Variants in PPP2R1B observed in about 807,000 individuals in gnomAD.
The protein encoded by PPP2R1B is serine/threonine-protein phosphatase 2A 65 kDa regulatory subunit A beta isoform.
A neutral mutation model predicts 72.7 loss-of-function variants in PPP2R1B; 58 were observed. The observed-to-expected ratio is 0.80, with a 90% CI of 0.65 to 0.99. PPP2R1B has a LOEUF of 0.99. Among genes scored for constraint, PPP2R1B ranks in the 50% least tolerant of loss-of-function variants. The pLI is 0.00. For missense variants in PPP2R1B, 695 were observed against 733.6 expected (o/e 0.95, Z 0.61); for synonymous variants, 256 against 264.6 (o/e 0.97, Z 0.32).
chr11:111,740,722 G>A lies in PPP2R1B; in HGVS notation c.*874C>T. ...GCAGCAAGGACTAGGTGTCAATACT[G>A]CTGGAAGCAGAGCCAGGTAAAGAAC... On this transcript the variant is annotated 3_prime_UTR_variant, in exon 15 of 15. Transcript: ENST00000527614. 1.0e-6 allele frequency: 1 copy of A among 985,426 alleles called. No individual in the cohort carries two copies. The allele number at this position is 985,426 out of a possible 1,614,324, so 61.0% of individuals were successfully genotyped here. A position where few individuals can be genotyped will look rare whatever the true frequency, so the allele number is the denominator to read the frequency against.
At chr11:111,698,123 T>C in the PPP2R1B span, among the ~76,000 whole-genome samples, 1 of 152,196 alleles carries the variant, frequency 6.6e-6, no homozygotes, top group Non-Finnish European at 1.5e-5. Context: ...TCTTTTAATA[T>C]CCCTATAGAC....
chr11:111,742,671 A>C lies in PPP2R1B; in HGVS notation c.1555-6T>G. On this transcript the variant is annotated splice_region_variant and splice_polypyrimidine_tract_variant and intron_variant, in intron 12 of 14. Transcript: ENST00000527614. Reference sequence around the variant, plus strand: ...CCACAGGCCTCAGACAGTGCCTAGAAAAATAAGTAAGATGGCACATTTAAA... The same window carrying C: ...CCACAGGCCTCAGACAGTGCCTAGACAAATAAGTAAGATGGCACATTTAAA... 6.3e-7 allele frequency: 1 copy of C among 1,592,558 alleles called. No homozygotes were observed. Among genetic ancestry groups the C allele is most frequent in the Non-Finnish European group, 8.6e-7 (1 of 1,169,532 alleles).
At chr11:111,761,128 T>C (rs1431912886) in intron 3 of PPP2R1B, 77 bp from the exon 4 acceptor site, 3 of 1,230,124 alleles carry the variant, frequency 2.4e-6, no homozygotes, top group Non-Finnish European at 3.5e-6. Flanking sequence ...CCTTTTAAAG[T>C]GACTGAAGGG....
chr11:111,751,269 C>G lies in PPP2R1B; in HGVS notation c.1338+890G>C, dbSNP rs59815020. ...AAGTTTCCTTGAGCAAAAATCACAG[C>G]AGACTTACCCTAAAACCATAATCCC... is the stretch of plus-strand genomic sequence containing the variant. On this transcript the variant is annotated intron_variant, in intron 10 of 14. Transcript: ENST00000527614. 2.5e-3 allele frequency among the ~76,000 whole-genome samples: 380 copies of G among 152,276 alleles called. 1 individual carries two copies. Among genetic ancestry groups the G allele is most frequent in the African/African-American group, 8.8e-3 (366 of 41,548 alleles).
Position 111,764,817 on chromosome 11 carries a change from G to A in PPP2R1B, c.294C>T (p.Ala98=), listed in dbSNP as rs1442220879. 3.1e-6 allele frequency: 5 copies of A among 1,613,882 alleles called. No individual in the cohort carries two copies. Among genetic ancestry groups the A allele is most frequent in the African/African-American group, 2.7e-5 (2 of 74,912 alleles). The change falls in exon 3 of 15, where the codon GCC becomes GCT. Residue 98 remains alanine, a synonymous_variant. Transcript: ENST00000527614. ...FTGLVGGPDF[A]HCLLPPLENL... is the part of the protein sequence containing the mutation. ...TATAAATACTCACCAGCAGACAGTG[G>A]GCAAAGTCAGGACCTCCCACTAGGC...
chr11:111,737,346 C>A, downstream of PPP2R1B: 4 of 1,548,770 alleles, frequency 2.6e-6, no homozygotes, highest in Non-Finnish European at 2.6e-6. Flanking sequence ...GTGAGAGGTG[C>A]TGCTTCTCCG....
At chr11:111,746,520 T>C (rs1021269051) in intron 11 of PPP2R1B, among the ~76,000 whole-genome samples, 10 of 152,098 alleles carry the variant, frequency 6.6e-5, no homozygotes, top group Admixed American at 3.3e-4. Context: ...AAATACCTAA[T>C]GCATGTGGGG....
At chr11:111,700,798 A>G in the PPP2R1B span, 9 of 1,495,442 alleles carry the variant, frequency 6.0e-6, no homozygotes, top group Non-Finnish European at 8.2e-6. Context: ...TGATATTGTT[A>G]ATATAGCATA....
chr11:111,753,459 G>C lies in PPP2R1B; in HGVS notation c.1148C>G (p.Ala383Gly), dbSNP rs1555048583. 6.2e-7 allele frequency: 1 copy of C among 1,613,124 alleles called. No individual in the cohort carries two copies. Among genetic ancestry groups the C allele is most frequent in the Admixed American group, 1.7e-5 (1 of 59,796 alleles). The change falls in exon 9 of 15, where the codon GCT (alanine) becomes GGT (glycine). Residue 383 changes from alanine (A) to glycine (G), a missense_variant. Physicochemically the swap from Ala to Gly is moderately conservative, Grantham distance 60 (BLOSUM62 0). Transcript: ENST00000527614. Reference protein sequence around the residue: ...TIEHLLPLFLAQLKDECPDVR... With the variant: ...TIEHLLPLFLGQLKDECPDVR... ...AAGACCCACCTCATCCTTTAACTGA[G>C]CTAAGAAAAGAGGTAGAAGATGTTC...
chr11:111,761,867 T>A (rs951060639), intron 3 of PPP2R1B, among the ~76,000 whole-genome samples: 3 of 151,944 alleles, frequency 2.0e-5, no homozygotes, highest in African/African-American at 7.3e-5. Context: ...GGCTGAGGCA[T>A]GAGAATCACT....
At position 111,739,542 on chromosome 11, in the gene PPP2R1B, G is replaced by A. The variant is rs1944450678; in HGVS notation, c.*2054C>T. 2.0e-6 allele frequency: 2 copies of A among 985,234 alleles called. No individual in the cohort carries two copies. The highest frequency in any genetic ancestry group is 9.4e-5 in the South Asian group (2 of 21,284). The allele number at this position is 985,234 out of a possible 1,614,324, so 61.0% of individuals were successfully genotyped here. ...CCGACCCATGCTTGAGAAAGCCAGG[G>A]CCCACTCTCCCTCTCTCAAACAGTT... On this transcript the variant is annotated 3_prime_UTR_variant, in exon 15 of 15. Transcript: ENST00000527614.
intron 11 of PPP2R1B, among the ~76,000 whole-genome samples, chr11:111,744,981 C>A (rs1565443132): frequency 1.3e-5 from 2 of 151,870 alleles, no homozygotes; most frequent in South Asian, 2.1e-4. Flanking sequence ...TTGTCTTTGG[C>A]CCAAACCCTT....
the PPP2R1B span, among the ~76,000 whole-genome samples, chr11:111,716,048 C>T: frequency 2.0e-5 from 3 of 152,042 alleles, no homozygotes; most frequent in South Asian, 2.1e-4. Flanking sequence ...GTGATCTGCC[C>T]GCCTTGGCCT....
chr11:111,700,748 C>T, the PPP2R1B span: 7 of 1,013,428 alleles, frequency 6.9e-6, no homozygotes, highest in Non-Finnish European at 9.9e-6. Flanking sequence ...GGAAACATCA[C>T]AAGATAAGAT....
chr11:111,754,842 T>C (rs3737445), intron 7 of PPP2R1B, 138 bp downstream of exon 7: 136,098 of 864,654 alleles, frequency 0.16, 12,235 homozygotes, highest in South Asian at 0.29. Context: ...TAAGTGACAA[T>C]GTAACATTTC....
At chr11:111,754,941 T>C in intron 7 of PPP2R1B, 39 bp downstream of exon 7, 1 of 1,507,440 alleles carries the variant, frequency 6.6e-7, no homozygotes, top group Non-Finnish European at 9.1e-7. Context: ...TGCACCAAAA[T>C]GAATGACACA....
chr11:111,760,969 T>C lies in PPP2R1B; in HGVS notation c.389A>G (p.Glu130Gly). The C allele has an allele frequency of 6.2e-7, 1 of 1,614,206 alleles. No individual in the cohort carries two copies. Among genetic ancestry groups the C allele is most frequent in the Non-Finnish European group, 8.5e-7 (1 of 1,180,030 alleles). The part of the protein sequence containing the change: ...AVESLRQISQ[E>G]HTPVALEAYF... ...AGCTTCCAGAGCAACAGGAGTATGC[T>C]CCTGGGAGATCTGTCTCAGGGACTC... The change falls in exon 4 of 15, where the codon GAG (glutamate) becomes GGG (glycine). Residue 130 changes from glutamate to glycine, a missense_variant. Glu to Gly is a moderately conservative substitution (Grantham distance 98). Coordinates refer to ENST00000527614, the MANE Select transcript of PPP2R1B (RefSeq NM_002716.5).
chr11:111,741,528 G>A lies in PPP2R1B; in HGVS notation c.*68C>T. The A allele has an allele frequency of 1.0e-5, 16 of 1,598,710 alleles. No individual in the cohort carries two copies. The highest frequency in any genetic ancestry group is 1.4e-5 in the Non-Finnish European group (16 of 1,175,214). On this transcript the variant is annotated 3_prime_UTR_variant, in exon 15 of 15. Transcript: ENST00000527614. ...AGGTTTTCCATTCTTTCTCCACCCAGTTAAGAACACATTGACTAGAAATTT... is the reference window on the plus strand; with the variant it reads ...AGGTTTTCCATTCTTTCTCCACCCAATTAAGAACACATTGACTAGAAATTT...
chr11:111,742,704 A>T lies in PPP2R1B; in HGVS notation c.1555-39T>A, dbSNP rs561511206. On this transcript the variant is annotated intron_variant, in intron 12 of 14. Coordinates refer to ENST00000527614, the MANE Select transcript of PPP2R1B (RefSeq NM_002716.5). Reference sequence around the variant, plus strand: ...TAAGATGGCACATTTAAAATACTTTAAAAAATTCCAAAATCTAATGAAACA... The same window carrying T: ...TAAGATGGCACATTTAAAATACTTTTAAAAATTCCAAAATCTAATGAAACA... 3.1e-5 allele frequency: 47 copies of T among 1,500,010 alleles called. No individual in the cohort carries two copies. The East Asian group carries it at 3.6e-4, about 11-fold the overall frequency. 92.9% of individuals were successfully genotyped at this position (1,500,010 alleles called of 1,614,324 possible).
Sources: gnomAD v4.1 joint callset for allele counts (sites outside exome capture counted in the v4.1 genomes callset) on GRCh38, gnomAD v4.1.1 for gene constraint, MANE v1.5 for transcripts, NCBI Gene and HGNC (gene_info 2026-07-23, HGNC 2026-07-21) for gene names.